HINT3: variants seen among roughly 807,000 people sequenced by gnomAD.
The protein encoded by HINT3 is histidine triad nucleotide binding protein 3, also known as adenosine 5'-monophosphoramidase HINT3.
A neutral mutation model predicts 19.1 loss-of-function variants in HINT3; 16 were observed. The ratio of observed to expected loss-of-function variants is 0.84; its 90% CI spans 0.57 to 1.27. HINT3 has a LOEUF of 1.27. Ranked by LOEUF, HINT3 falls within the 50% of genes most tolerant of loss-of-function variation. The probability of loss-of-function intolerance (pLI) is 0.00; values close to 1 mark genes in which losing one functional copy is unlikely to be tolerated. For synonymous variants in HINT3, 75 were observed against 84.8 expected (o/e 0.88, Z 0.63); for missense variants, 197 against 225.8 (o/e 0.87, Z 0.82).
intron 1 of HINT3, among the ~76,000 whole-genome samples, chr6:125,961,506 T>G (rs1788926148): frequency 6.6e-6 from 1 of 152,168 alleles, no homozygotes; most frequent in African/African-American, 2.4e-5. Flanking sequence ...CAGCTTGAAG[T>G]TGGGGATCCC....
intron 2 of HINT3, among the ~76,000 whole-genome samples, chr6:125,968,523 A>G (rs767201000): frequency 7.2e-5 from 11 of 152,168 alleles, no homozygotes; most frequent in Non-Finnish European, 1.3e-4. Flanking sequence ...TTTTGGATAT[A>G]TACTCAGTAA....
At chr6:125,966,251 G>C (rs997338412) in intron 1 of HINT3, among the ~76,000 whole-genome samples, 2 of 152,148 alleles carry the variant, frequency 1.3e-5, no homozygotes, top group Non-Finnish European at 2.9e-5. Context: ...AGATTACTGT[G>C]TGGGGTAATG....
intron 1 of HINT3, among the ~76,000 whole-genome samples, chr6:125,963,163 G>A (rs1788968035): frequency 6.6e-6 from 1 of 152,108 alleles, no homozygotes; most frequent in Non-Finnish European, 1.5e-5. Context: ...GAGAAACACT[G>A]CTTCAGAGCC....
At chr6:125,972,086 G>A (rs569904194) in intron 2 of HINT3, among the ~76,000 whole-genome samples, 173 bp from the exon 3 acceptor site, 67 of 152,152 alleles carry the variant, frequency 4.4e-4, no homozygotes, top group African/African-American at 1.6e-3. Flanking sequence ...CAAACTCCTA[G>A]GCTCAAGTGA....
chr6:125,975,794 T>TCTCTATCTCCTGAC (rs1789171449), intron 4 of HINT3, among the ~76,000 whole-genome samples: 1 of 152,136 alleles, frequency 6.6e-6, no homozygotes, highest in African/African-American at 2.4e-5. Context: ...GCCAGGCTGG[T>TCTCTATCTCCTGAC]CTCTATCTCC....
At chr6:125,969,502 A>G (rs555483740) in intron 2 of HINT3, among the ~76,000 whole-genome samples, 8 of 152,122 alleles carry the variant, frequency 5.3e-5, no homozygotes, top group Non-Finnish European at 8.8e-5. Flanking sequence ...TTGGTTTCAT[A>G]TGAATTTTAG....
At chr6:125,961,398 T>C (rs556559372) in intron 1 of HINT3, among the ~76,000 whole-genome samples, 1 of 152,306 alleles carries the variant, frequency 6.6e-6, no homozygotes, top group African/African-American at 2.4e-5. Flanking sequence ...ATCTACCTGA[T>C]GATAGCATCA....
chr6:125,965,690 T>TG (rs1176533459), intron 1 of HINT3, among the ~76,000 whole-genome samples: 21 of 152,086 alleles, frequency 1.4e-4, no homozygotes, highest in South Asian at 2.1e-4. Context: ...AGATCGAGGC[T>TG]GCAGTGAGCC....
Position 125,969,665 on chromosome 6 carries a change from A to G in HINT3, c.320-2594A>G, listed in dbSNP as rs995323046. 3.3e-5 allele frequency among the ~76,000 whole-genome samples: 5 copies of G among 152,234 alleles called. No individual in the cohort carries two copies. The South Asian group carries it at 8.3e-4, about 25-fold the overall frequency. On this transcript the variant is annotated intron_variant, in intron 2 of 4. Coordinates refer to ENST00000229633, the MANE Select transcript of HINT3 (RefSeq NM_138571.5). The stretch of plus-strand genomic sequence containing the variant: ...GTTTGTATCATCTATGATTTCTTTC[A>G]GCAGCATTTTATAGTTCTCCTCGTA...
intron 2 of HINT3, among the ~76,000 whole-genome samples, chr6:125,971,019 C>G (rs1413718548): frequency 1.3e-5 from 2 of 152,168 alleles, no homozygotes; most frequent in African/African-American, 4.8e-5. Flanking sequence ...CAGCTATCCT[C>G]TGTAGATGTT....
rs1158384127 is a variant in HINT3 at position 125,960,664 on chromosome 6, GGAAAAAA to G, written c.201+3487_201+3493del. ...AGAGCAAGACTCTCTCTGGGGGGGG[GGAAAAAA>G]AAAGAAGTTAGGGCAAGCAAGTGGC... is the stretch of plus-strand genomic sequence containing the variant. On this transcript the variant is annotated intron_variant, in intron 1 of 4. Coordinates refer to ENST00000229633, the MANE Select transcript of HINT3 (RefSeq NM_138571.5). 2.8e-5 allele frequency among the ~76,000 whole-genome samples: 4 copies of G among 144,620 alleles called. 1 individual carries two copies. The East Asian group carries it at 8.7e-4, about 31-fold the overall frequency. 94.9% of individuals were successfully genotyped at this position (144,620 alleles called of 152,430 possible).
intron 2 of HINT3, 54 bp downstream of exon 2, chr6:125,967,058 G>A: frequency 9.2e-7 from 1 of 1,086,884 alleles, no homozygotes; most frequent in Middle Eastern, 2.0e-4. Context: ...TGGTATCAGT[G>A]ATGGCAGTGA....
rs1048630067 is a variant in HINT3 at position 125,978,528 on chromosome 6, A to C, written c.*852A>C. 2 of 152,196 alleles carry C rather than the reference A, an allele frequency of 1.3e-5. No individual in the cohort carries two copies. The highest frequency in any genetic ancestry group is 2.9e-5 in the Non-Finnish European group (2 of 68,014). The allele number at this position is 152,196 out of a possible 1,614,324, so 9.4% of individuals were successfully genotyped here. A position where few individuals can be genotyped will look rare whatever the true frequency, so the allele number is the denominator to read the frequency against. On this transcript the variant is annotated 3_prime_UTR_variant, in exon 5 of 5. Transcript: ENST00000229633. Reference sequence around the variant, plus strand: ...GGTAGAGATAGGCTTAGATGAGAAAAATTGATAACGCAATGTTAATACTAT... The same window carrying C: ...GGTAGAGATAGGCTTAGATGAGAAACATTGATAACGCAATGTTAATACTAT...
chr6:125,957,192 C>A lies in HINT3; in HGVS notation c.201+14C>A, dbSNP rs1401035715. ...CTGCACTGCGAGGTGGGCGGCGACG[C>A]GCGGCCGGGGGTGGGTGAGGACCTG... On this transcript the variant is annotated intron_variant, in intron 1 of 4. Coordinates refer to ENST00000229633, the MANE Select transcript of HINT3 (RefSeq NM_138571.5). The A allele has an allele frequency of 6.5e-7, 1 of 1,539,854 alleles. No homozygotes were observed. Among genetic ancestry groups the A allele is most frequent in the Non-Finnish European group, 8.8e-7 (1 of 1,141,056 alleles).
intron 1 of HINT3, among the ~76,000 whole-genome samples, chr6:125,960,659 G>GGGGGGT (rs1554209608): frequency 2.8e-5 from 4 of 144,920 alleles, no homozygotes; most frequent in African/African-American, 1.0e-4. Context: ...TCTCTCTGGG[G>GGGGGGT]GGGGGGAAAA....
At chr6:125,970,649 G>A (rs1381085851) in intron 2 of HINT3, among the ~76,000 whole-genome samples, 1 of 152,098 alleles carries the variant, frequency 6.6e-6, no homozygotes, top group Non-Finnish European at 1.5e-5. Context: ...ATATGGAAGA[G>A]TTCAAGAACA....
At chr6:125,963,300 A>G (rs928445782) in intron 1 of HINT3, among the ~76,000 whole-genome samples, 1 of 152,188 alleles carries the variant, frequency 6.6e-6, no homozygotes, top group Admixed American at 6.5e-5. Flanking sequence ...AGATAAAGAA[A>G]ACCTGTCTTT....
chr6:125,973,317 G>A (rs1446361003), intron 3 of HINT3, among the ~76,000 whole-genome samples: 1 of 152,116 alleles, frequency 6.6e-6, no homozygotes, highest in Non-Finnish European at 1.5e-5. Flanking sequence ...GACATCAAGT[G>A]ATCCGCCCGC....
At chr6:125,969,920 T>C (rs1172789121) in intron 2 of HINT3, among the ~76,000 whole-genome samples, 2 of 152,148 alleles carry the variant, frequency 1.3e-5, no homozygotes, top group Non-Finnish European at 2.9e-5. Context: ...TGGACTCAGA[T>C]TGTTGGTGAA....
Sources: gnomAD v4.1 joint callset for allele counts (sites outside exome capture counted in the v4.1 genomes callset) on GRCh38, gnomAD v4.1.1 for gene constraint, MANE v1.5 for transcripts, NCBI Gene and HGNC (gene_info 2026-07-23, HGNC 2026-07-21) for gene names.